C10orf67: variants seen among roughly 807,000 people sequenced by gnomAD.
The protein encoded by C10orf67 is uncharacterized protein C10orf67, mitochondrial.
A neutral mutation model predicts 35.6 loss-of-function variants in C10orf67; 60 were observed. The observed-to-expected ratio is 1.68, with a 90% CI of 1.37 to 2.09. The LOEUF is 2.09. Ranked by LOEUF, C10orf67 falls within the 30% of genes most tolerant of loss-of-function variation. The pLI is 0.00. For missense variants in C10orf67, 474 were observed against 330.2 expected, an observed-to-expected ratio of 1.44 and a Z score of -3.38; for synonymous variants, 167 against 115.8, an observed-to-expected ratio of 1.44 and a Z score of -2.84.
At chr10:23,252,518 G>A (rs929766360) in intron 10 of C10orf67, among the ~76,000 whole-genome samples, 4 of 152,138 alleles carry the variant, frequency 2.6e-5, no homozygotes, top group African/African-American at 9.7e-5. Flanking sequence ...GCCAACAATT[G>A]TTTAAGCACT....
intron 5 of C10orf67, among the ~76,000 whole-genome samples, chr10:23,301,054 C>G (rs1216337047): frequency 1.3e-5 from 2 of 152,186 alleles, no homozygotes; most frequent in Non-Finnish European, 2.9e-5. Flanking sequence ...TGCTTTAAGT[C>G]TGAGAAAGAA....
chr10:23,262,865 A>G (rs1205923675), intron 10 of C10orf67, among the ~76,000 whole-genome samples: 2 of 152,236 alleles, frequency 1.3e-5, no homozygotes, highest in Non-Finnish European at 2.9e-5. Context: ...CTCTGAGAGC[A>G]GAATCTAAAG....
At chr10:23,284,172 CTCCTT>C (rs1462436427) in intron 7 of C10orf67, among the ~76,000 whole-genome samples, 1 of 151,008 alleles carries the variant, frequency 6.6e-6, no homozygotes, top group Non-Finnish European at 1.5e-5. Context: ...TTCTGAGTTG[CTCCTT>C]TCCATTCTTC....
At chr10:23,229,270 C>A (rs2132118570) in intron 13 of C10orf67, among the ~76,000 whole-genome samples, 1 of 152,016 alleles carries the variant, frequency 6.6e-6, no homozygotes. Flanking sequence ...AGGATGATTT[C>A]ATGTCCTTTT....
rs143822365 is a variant in C10orf67, at chr10:23,340,744, A to G, written c.206+3825T>C. ...AACCCACATCACAACAAATTAGCTA[A>G]GTGGTTCCTACACAGTCTTTATTTA... is the stretch of plus-strand genomic sequence containing the variant. On this transcript the variant is annotated intron_variant, in intron 1 of 15. Transcript: ENST00000636213. Among the ~76,000 whole-genome samples the G allele has an allele frequency of 5.5e-3, 833 of 152,350 alleles. 7 individuals are homozygous for G. Among genetic ancestry groups the G allele is most frequent in the Non-Finnish European group, 9.5e-3 (649 of 68,034 alleles).
Position 23,341,895 on chromosome 10 carries a change from G to C in C10orf67, c.206+2674C>G, listed in dbSNP as rs79665896. 2.1e-3 allele frequency among the ~76,000 whole-genome samples: 315 copies of C among 152,290 alleles called. 5 individuals carry two copies. The East Asian group carries it at 0.03, about 15-fold the overall frequency. On this transcript the variant is annotated intron_variant, in intron 1 of 15. Coordinates refer to ENST00000636213, the MANE Select transcript of C10orf67 (RefSeq NM_001371909.1). ...TTTCTAAAATCTGCAGTCCAGGCCG[G>C]GTATGGTGGCTCATGCCTGTAATCC...
chr10:23,310,950 G>A (rs1429183404), intron 4 of C10orf67, among the ~76,000 whole-genome samples: 6 of 152,002 alleles, frequency 3.9e-5, no homozygotes, highest in Non-Finnish European at 7.4e-5. Flanking sequence ...GTCCTTCAAA[G>A]AACATCCTGC....
At chr10:23,279,778 C>G (rs1843312398) in intron 8 of C10orf67, among the ~76,000 whole-genome samples, 1 of 151,498 alleles carries the variant, frequency 6.6e-6, no homozygotes, top group Admixed American at 6.6e-5. Context: ...GGTTGCATTG[C>G]TTACCTAACA....
chr10:23,336,983 AT>A (rs1845711141), intron 1 of C10orf67, among the ~76,000 whole-genome samples: 1 of 152,238 alleles, frequency 6.6e-6, no homozygotes, highest in African/African-American at 2.4e-5. Context: ...TCAAAAGATG[AT>A]GGGAAAATGT....
At chr10:23,302,798 G>C (rs1844129799) in intron 5 of C10orf67, among the ~76,000 whole-genome samples, 1 of 152,150 alleles carries the variant, frequency 6.6e-6, no homozygotes, top group Non-Finnish European at 1.5e-5. Flanking sequence ...TGTCTAACCA[G>C]TAAAGCAGCT....
intron 10 of C10orf67, among the ~76,000 whole-genome samples, chr10:23,252,330 C>T (rs929749494): frequency 3.3e-5 from 5 of 152,130 alleles, no homozygotes; most frequent in Admixed American, 6.6e-5. Flanking sequence ...TTTTTCATAG[C>T]TGCCTGTCCT....
intron 10 of C10orf67, 101 bp downstream of exon 10, chr10:23,266,161 C>T (rs921426808): frequency 3.3e-5 from 13 of 396,998 alleles, no homozygotes; most frequent in Non-Finnish European, 5.3e-5. Flanking sequence ...GGGTGAGAAC[C>T]CGGTGTGCTT....
intron 1 of C10orf67, among the ~76,000 whole-genome samples, chr10:23,342,043 C>T (rs1021335001): frequency 2.0e-5 from 3 of 151,970 alleles, no homozygotes; most frequent in African/African-American, 7.3e-5. Context: ...GTGTGCTTGT[C>T]GTCTCAGCTA....
intron 4 of C10orf67, among the ~76,000 whole-genome samples, chr10:23,310,547 C>A (rs1174021148): frequency 6.6e-6 from 1 of 152,170 alleles, no homozygotes; most frequent in African/African-American, 2.4e-5. Context: ...AGAGCAGTGC[C>A]TCACTGGCTT....
chr10:23,267,254 T>G lies in C10orf67; in HGVS notation c.976A>C (p.Ile326Leu). The change falls in exon 9 of 16, where the codon ATT becomes CTT. Residue 326 changes from isoleucine to leucine, a missense_variant and splice_region_variant. Physicochemically the swap from Ile to Leu is conservative, Grantham distance 5 (BLOSUM62 2). Coordinates refer to ENST00000636213, the MANE Select transcript of C10orf67 (RefSeq NM_001371909.1). ...TCCTTGTCCTCTTTCTGTTTATTAA[T>G]CTGTAAAATTGAAGACCCATATCAT... ...HYEKSLVQDV[I>L]NKQKEDKEMR... is the part of the protein sequence containing the mutation. 1 of 714,062 alleles carries G rather than the reference T, an allele frequency of 1.4e-6. No homozygotes were observed. The highest frequency in any genetic ancestry group is 2.6e-6 in the Non-Finnish European group (1 of 384,210). 44.2% of individuals were successfully genotyped at this position (714,062 alleles called of 1,614,324 possible).
chr10:23,245,694 C>A (rs1331942128), intron 12 of C10orf67, among the ~76,000 whole-genome samples: 2 of 152,244 alleles, frequency 1.3e-5, no homozygotes, highest in East Asian at 3.9e-4. Context: ...ATCAGAAAGA[C>A]AAAAGATAAC....
intron 4 of C10orf67, among the ~76,000 whole-genome samples, chr10:23,320,319 C>A (rs759814757): frequency 1.4e-4 from 22 of 152,076 alleles, no homozygotes; most frequent in Non-Finnish European, 2.6e-4. Context: ...AGGAATTTTC[C>A]CATTGTGAAG....
At chr10:23,247,014 T>C (rs1241308296) in intron 12 of C10orf67, among the ~76,000 whole-genome samples, 1 of 152,166 alleles carries the variant, frequency 6.6e-6, no homozygotes, top group Non-Finnish European at 1.5e-5. Flanking sequence ...CTGTACAATA[T>C]GTTTGTGTTT....
chr10:23,302,955 C>T (rs1439185813), intron 5 of C10orf67, among the ~76,000 whole-genome samples: 1 of 152,126 alleles, frequency 6.6e-6, no homozygotes, highest in Non-Finnish European at 1.5e-5. Flanking sequence ...TTTCAAACTA[C>T]TTTGACTGCA....
Sources: gnomAD v4.1 joint callset for allele counts (sites outside exome capture counted in the v4.1 genomes callset) on GRCh38, gnomAD v4.1.1 for gene constraint, MANE v1.5 for transcripts, NCBI Gene and HGNC (gene_info 2026-07-23, HGNC 2026-07-21) for gene names.